Variants in ANKRD12 observed in about 807,000 individuals in gnomAD.
ANKRD12 encodes ankyrin repeat domain-containing protein 12.
ANKRD12 carries 85 observed loss-of-function variants against 183.4 expected under a neutral mutation model. The observed-to-expected ratio is 0.46, with a 90% confidence interval of 0.39 to 0.56. ANKRD12 has a LOEUF of 0.56. Ranked by LOEUF, ANKRD12 falls within the 20% of genes least tolerant of loss-of-function variation. ANKRD12 has a pLI of 0.00. For missense variants in ANKRD12, 2,405 were observed against 2,357.1 expected, an observed-to-expected ratio of 1.02 and a Z score of -0.42; for synonymous variants, 914 against 800.2, an observed-to-expected ratio of 1.14 and a Z score of -2.40.
intron 2 of ANKRD12, among the ~76,000 whole-genome samples, chr18:9,188,588 T>C (rs896201151): frequency 7.9e-5 from 12 of 152,374 alleles, no homozygotes; most frequent in South Asian, 2.1e-4. Context: ...CACTTTATTG[T>C]GCTTTGCAGA....
intron 2 of ANKRD12, among the ~76,000 whole-genome samples, chr18:9,193,197 G>A (rs546148422): frequency 1.3e-5 from 2 of 149,828 alleles, no homozygotes; most frequent in East Asian, 4.0e-4. Context: ...GAGCACAGTG[G>A]CGAAGAACAT....
At position 9,257,316 on chromosome 18, in the gene ANKRD12, T is replaced by TATTCTC. The variant is rs1222717402; in HGVS notation, c.4051_4056dup (p.Phe1351_Ser1352dup). 1.3e-5 allele frequency: 21 copies of TATTCTC among 1,614,180 alleles called. No individual in the cohort carries two copies. The highest frequency in any genetic ancestry group is 1.7e-5 in the Non-Finnish European group (20 of 1,180,006). On this transcript the variant is annotated inframe_insertion, in exon 9 of 13. Transcript: ENST00000262126. Reference sequence around the variant, plus strand: ...ACTAGTCCTTCTCCCAAACCTGAGGTATTCTCAAATGTGCCTGAAAGAGAC... The same window carrying TATTCTC: ...ACTAGTCCTTCTCCCAAACCTGAGGTATTCTCATTCTCAAATGTGCCTGAAAGAGAC...
chr18:9,246,909 C>G (rs2145072874), intron 8 of ANKRD12, among the ~76,000 whole-genome samples: 1 of 152,216 alleles, frequency 6.6e-6, no homozygotes, highest in East Asian at 1.9e-4. Context: ...AGATTTGAAC[C>G]TAGGGCTAAT....
intron 2 of ANKRD12, among the ~76,000 whole-genome samples, chr18:9,186,827 C>T (rs1042768574): frequency 1.9e-4 from 29 of 149,690 alleles, no homozygotes; most frequent in African/African-American, 2.5e-5. Context: ...TCTCAGCTCA[C>T]TGCAAGCTCC....
At chr18:9,221,542 T>C (rs1473738950) in intron 7 of ANKRD12, among the ~76,000 whole-genome samples, 2 of 152,228 alleles carry the variant, frequency 1.3e-5, no homozygotes, top group African/African-American at 4.8e-5. Flanking sequence ...GAAGTGTAGA[T>C]ATTATAGGTT....
chr18:9,168,644 A>G lies in ANKRD12; in HGVS notation c.-51-13738A>G, dbSNP rs1408840941. 2.6e-5 allele frequency among the ~76,000 whole-genome samples: 4 copies of G among 151,502 alleles called. 1 individual carries two copies. Among genetic ancestry groups the G allele is most frequent in the Admixed American group, 1.3e-4 (2 of 15,182 alleles). On this transcript the variant is annotated intron_variant, in intron 1 of 12. Coordinates refer to ENST00000262126, the MANE Select transcript of ANKRD12 (RefSeq NM_015208.5). Reference sequence around the variant, plus strand: ...TATTAGTCTTGCTAGTGGTCTATCAATTTTGTTGATCTTTTCAGAAAACCA... The same window carrying G: ...TATTAGTCTTGCTAGTGGTCTATCAGTTTTGTTGATCTTTTCAGAAAACCA...
At chr18:9,204,439 G>T in intron 3 of ANKRD12, 37 bp from the exon 4 acceptor site, 2 of 1,467,254 alleles carry the variant, frequency 1.4e-6, no homozygotes, top group South Asian at 1.2e-5. Flanking sequence ...CCCTCCGTGT[G>T]CTTTTTTCTC....
chr18:9,251,397 C>T (rs1273985118), intron 8 of ANKRD12, among the ~76,000 whole-genome samples: 2 of 152,202 alleles, frequency 1.3e-5, no homozygotes, highest in African/African-American at 4.8e-5. Flanking sequence ...ATGTTACAGT[C>T]TTAGTTGCAA....
At chr18:9,237,747 G>A (rs2037429427) in intron 8 of ANKRD12, among the ~76,000 whole-genome samples, 2 of 152,272 alleles carry the variant, frequency 1.3e-5, no homozygotes, top group African/African-American at 4.8e-5. Flanking sequence ...AGCGAAATCT[G>A]GAAGGATGTA....
At chr18:9,138,209 T>C (rs1040544672) in intron 1 of ANKRD12, among the ~76,000 whole-genome samples, 1 of 152,094 alleles carries the variant, frequency 6.6e-6, no homozygotes, top group African/African-American at 2.4e-5. Flanking sequence ...GTAAATTAAC[T>C]GTGTATTAAA....
rs1345694683 is a variant in ANKRD12 at position 9,194,199 on chromosome 18, C to T, written c.88-1352C>T. Among the ~76,000 whole-genome samples the T allele has an allele frequency of 2.0e-5, 3 of 152,022 alleles. No individual in the cohort carries two copies. The East Asian group carries it at 5.8e-4, about 29-fold the overall frequency. On this transcript the variant is annotated intron_variant, in intron 2 of 12. Coordinates refer to ENST00000262126, the MANE Select transcript of ANKRD12 (RefSeq NM_015208.5). Reference sequence around the variant, plus strand: ...AGGACTATTAAAACAGATCATTAAGCCCTAGCCCCAGAGATTCTGATTCAG... The same window carrying T: ...AGGACTATTAAAACAGATCATTAAGTCCTAGCCCCAGAGATTCTGATTCAG...
chr18:9,168,280 T>C (rs1291443760), intron 1 of ANKRD12, among the ~76,000 whole-genome samples: 1 of 152,348 alleles, frequency 6.6e-6, no homozygotes, highest in East Asian at 1.9e-4. Context: ...ATTGGAATAA[T>C]TTCAGAAGGA....
chr18:9,273,386 ATGTT>A (rs1371058927), intron 10 of ANKRD12, among the ~76,000 whole-genome samples: 2 of 152,196 alleles, frequency 1.3e-5, no homozygotes, highest in Non-Finnish European at 2.9e-5. Flanking sequence ...ATCATACAGT[ATGTT>A]TATTTCTATA....
intron 2 of ANKRD12, among the ~76,000 whole-genome samples, chr18:9,190,148 A>G (rs2034360901): frequency 6.6e-6 from 1 of 152,222 alleles, no homozygotes; most frequent in Non-Finnish European, 1.5e-5. Flanking sequence ...ACACTCATGG[A>G]TGACTGAGAG....
intron 7 of ANKRD12, among the ~76,000 whole-genome samples, chr18:9,219,160 C>A (rs565072943): frequency 6.6e-6 from 1 of 152,210 alleles, no homozygotes; most frequent in African/African-American, 2.4e-5. Context: ...GTGAATGAAC[C>A]AGCTGTACCT....
At chr18:9,233,515 T>G (rs1345120537) in intron 8 of ANKRD12, among the ~76,000 whole-genome samples, 1 of 152,196 alleles carries the variant, frequency 6.6e-6, no homozygotes, top group African/African-American at 2.4e-5. Context: ...CATTCATACC[T>G]GTGTATCTGG....
chr18:9,270,971 C>T (rs2039571895), intron 10 of ANKRD12, among the ~76,000 whole-genome samples: 1 of 152,156 alleles, frequency 6.6e-6, no homozygotes, highest in Non-Finnish European at 1.5e-5. Flanking sequence ...TTGATATTGG[C>T]CAGCTATGTC....
intron 1 of ANKRD12, among the ~76,000 whole-genome samples, chr18:9,156,419 A>G (rs555867786): frequency 2.6e-5 from 4 of 152,314 alleles, no homozygotes; most frequent in South Asian, 4.1e-4. Flanking sequence ...ATGGAAAGAC[A>G]GAGTATTGGT....
intron 11 of ANKRD12, among the ~76,000 whole-genome samples, chr18:9,279,296 CTT>C (rs2039999352): frequency 6.6e-6 from 1 of 152,102 alleles, no homozygotes; most frequent in Non-Finnish European, 1.5e-5. Flanking sequence ...TGAGAAATGT[CTT>C]TGACTTAGAG....
Sources: gnomAD v4.1 joint callset for allele counts (sites outside exome capture counted in the v4.1 genomes callset) on GRCh38, gnomAD v4.1.1 for gene constraint, MANE v1.5 for transcripts, NCBI Gene and HGNC (gene_info 2026-07-23, HGNC 2026-07-21) for gene names.